The following DSCAML1 variants were observed in gnomAD, a reference collection of about 807,000 sequenced individuals.
DSCAML1 encodes cell adhesion molecule DSCAML1.
A neutral mutation model predicts 200.5 loss-of-function variants in DSCAML1; 38 were observed. The observed-to-expected ratio is 0.19, with a 90% confidence interval of 0.15 to 0.25. The LOEUF (loss-of-function observed/expected upper bound fraction) is 0.25. DSCAML1 is among the 10% of genes least tolerant of loss of function. DSCAML1 has a pLI of 1.00. For missense variants in DSCAML1, 2,223 were observed against 2,858.8 expected, an observed-to-expected ratio of 0.78 and a Z score of 5.07; for synonymous variants, 1,215 against 1,165.0, an observed-to-expected ratio of 1.04 and a Z score of -0.87.
At chr11:117,588,788 G>T (rs1302292865) in intron 3 of DSCAML1, among the ~76,000 whole-genome samples, 1 of 152,180 alleles carries the variant, frequency 6.6e-6, no homozygotes, top group Non-Finnish European at 1.5e-5. Context: ...GCTGAGGCAT[G>T]GCCAGGGGCG....
Position 117,465,192 on chromosome 11 carries a change from T to TG in DSCAML1, c.3025-11dup, listed in dbSNP as rs549558196. ...GCTCCTTCTTGGGTGCCTGTGAGCA[T>TG]GGGGTGGGGGTGGGCACAAAGAAAT... On this transcript the variant is annotated splice_polypyrimidine_tract_variant and intron_variant, in intron 16 of 32. Coordinates refer to ENST00000651296, the MANE Select transcript of DSCAML1 (RefSeq NM_020693.4). The TG allele has an allele frequency of 1.8e-3, 2,884 of 1,589,678 alleles. 6 individuals are homozygous for TG. Among genetic ancestry groups the TG allele is most frequent in the Non-Finnish European group, 2.0e-3 (2,371 of 1,160,316 alleles).
chr11:117,457,133 G>T, intron 19 of DSCAML1, among the ~76,000 whole-genome samples: 1 of 151,710 alleles, frequency 6.6e-6, no homozygotes, highest in East Asian at 1.9e-4. Flanking sequence ...ACTTCCCCAT[G>T]AATGCCAGGC....
chr11:117,550,785 G>A (rs561584832), intron 3 of DSCAML1, among the ~76,000 whole-genome samples: 7 of 152,094 alleles, frequency 4.6e-5, no homozygotes, highest in Non-Finnish European at 7.3e-5. Flanking sequence ...CTGCACAATC[G>A]ATCACAAAAC....
chr11:117,660,369 T>C (rs2052822138), intron 3 of DSCAML1, among the ~76,000 whole-genome samples: 1 of 152,236 alleles, frequency 6.6e-6, no homozygotes, highest in Admixed American at 6.5e-5. Flanking sequence ...ATAGTCCATA[T>C]GTCTTTGGGC....
chr11:117,696,245 G>T (rs1199735638), intron 3 of DSCAML1, among the ~76,000 whole-genome samples: 2 of 152,214 alleles, frequency 1.3e-5, no homozygotes, highest in East Asian at 3.8e-4. Context: ...AGAGACAGAG[G>T]GGGAAGTTGA....
intron 21 of DSCAML1, among the ~76,000 whole-genome samples, chr11:117,440,893 G>T (rs2048030876): frequency 7.5e-6 from 1 of 133,912 alleles, no homozygotes; most frequent in African/African-American, 2.9e-5. Flanking sequence ...TGCACTCCAC[G>T]CTGGGTGACA....
In DSCAML1 at chr11:117,642,426, GGCACAGTCTGGAA is replaced by G. The variant is rs1337461296; in HGVS notation, c.512-109917_512-109905del. Among the ~76,000 whole-genome samples the G allele has an allele frequency of 1.3e-5, 2 of 152,162 alleles. No individual in the cohort carries two copies. The highest frequency in any genetic ancestry group is 2.9e-5 in the Non-Finnish European group (2 of 68,034). Reference sequence around the variant, plus strand: ...TGACACCCACAGGTCACAGTCTGGAGGCACAGTCTGGAAGACAAATAAGGGGAACTGTCAGGCC... The same window carrying G: ...TGACACCCACAGGTCACAGTCTGGAGGACAAATAAGGGGAACTGTCAGGCC... On this transcript the variant is annotated intron_variant, in intron 3 of 32. Coordinates refer to ENST00000651296, the MANE Select transcript of DSCAML1 (RefSeq NM_020693.4). The surrounding 1 kb of genome is among the most constrained non-coding windows in gnomAD (Gnocchi z 4.1).
At chr11:117,514,652 AGCTCACT>A (rs994073801) in intron 8 of DSCAML1, among the ~76,000 whole-genome samples, 5 of 138,720 alleles carry the variant, frequency 3.6e-5, no homozygotes, top group African/African-American at 1.4e-4. Flanking sequence ...GCACGATCTA[AGCTCACT>A]GCAACCTCCA....
Position 117,780,304 on chromosome 11 carries a change from G to GAAAGAAAGAAAGAAAGAAAGAA in DSCAML1, c.364+188_364+189insTTCTTTCTTTCTTTCTTTCTTT, listed in dbSNP as rs71037499. On this transcript the variant is annotated intron_variant, in intron 2 of 32. Coordinates refer to ENST00000651296, the MANE Select transcript of DSCAML1 (RefSeq NM_020693.4). This position sits in a 1 kb window ranked among gnomAD's most constrained non-coding sequence, Gnocchi z 4.8. ...AGAAAGAAAGAAAGAAAGAAAGAAA[G>GAAAGAAAGAAAGAAAGAAAGAA]AGAGAAAGGAGAAAGAAAGGTGTCT... Among the ~76,000 whole-genome samples, 20 of 98,436 alleles carry GAAAGAAAGAAAGAAAGAAAGAA rather than the reference G, an allele frequency of 2.0e-4. No homozygotes were observed. Among genetic ancestry groups the GAAAGAAAGAAAGAAAGAAAGAA allele is most frequent in the East Asian group, 8.5e-4 (3 of 3,530 alleles). 64.6% of individuals were successfully genotyped at this position (98,436 alleles called of 152,430 possible). A position where few individuals can be genotyped will look rare whatever the true frequency, so the allele number is the denominator to read the frequency against.
At position 117,471,966 on chromosome 11, in the gene DSCAML1, C is replaced by T. The variant is rs761182686; in HGVS notation, c.2856G>A (p.Leu952=). The T allele has an allele frequency of 6.2e-7, 1 of 1,614,174 alleles. No individual in the cohort carries two copies. The highest frequency in any genetic ancestry group is 8.5e-7 in the Non-Finnish European group (1 of 1,180,028). ...GGATGCTGTACACAGATGCCGGGTGCAAGTCCACAATGTTGGCCTGGTTGA... is the reference window on the plus strand; with the variant it reads ...GGATGCTGTACACAGATGCCGGGTGTAAGTCCACAATGTTGGCCTGGTTGA... ...PTINQANIVD[L]HPASVYSIRM... is the part of the protein sequence containing the mutation. The change falls in exon 15 of 33, where the codon TTG becomes TTA. Residue 952 remains leucine (L), a synonymous_variant. Transcript: ENST00000651296.
At chr11:117,500,397 C>T (rs1416724212) in intron 11 of DSCAML1, among the ~76,000 whole-genome samples, 1 of 152,246 alleles carries the variant, frequency 6.6e-6, no homozygotes, top group African/African-American at 2.4e-5. Context: ...TGACTCATCA[C>T]CAGGTTTCTA....
rs1207560979 is a variant in DSCAML1, at chr11:117,769,518, ATT to A, written c.511+7271_511+7272del. Among the ~76,000 whole-genome samples the A allele has an allele frequency of 2.1e-3, 174 of 81,716 alleles. 11 individuals carry two copies. Among genetic ancestry groups the A allele is most frequent in the African/African-American group, 0.011 (165 of 14,996 alleles). 53.6% of individuals were successfully genotyped at this position (81,716 alleles called of 152,430 possible). On this transcript the variant is annotated intron_variant, in intron 3 of 32. Transcript: ENST00000651296. ...TATATATAATATATATTTTATATAT[ATT>A]ATATATATTTTATATATATTATATA...
At chr11:117,752,076 T>C (rs1017722220) in intron 3 of DSCAML1, among the ~76,000 whole-genome samples, 1 of 152,120 alleles carries the variant, frequency 6.6e-6, no homozygotes, top group African/African-American at 2.4e-5. Context: ...TGTTTCAGAG[T>C]ATACTGCAGA....
At chr11:117,538,556 A>T (rs1591237703) in intron 3 of DSCAML1, among the ~76,000 whole-genome samples, 1 of 152,238 alleles carries the variant, frequency 6.6e-6, no homozygotes, top group East Asian at 1.9e-4. Context: ...GGCAATTCTG[A>T]GGCCCTGCAC....
intron 11 of DSCAML1, among the ~76,000 whole-genome samples, chr11:117,488,756 T>C (rs2049131086): frequency 6.6e-6 from 1 of 152,242 alleles, no homozygotes; most frequent in Admixed American, 6.5e-5. Context: ...CTGTAGTCCA[T>C]AAGCACAGGC....
At chr11:117,554,483 G>C (rs937338078) in intron 3 of DSCAML1, among the ~76,000 whole-genome samples, 9 of 152,020 alleles carry the variant, frequency 5.9e-5, no homozygotes, top group African/African-American at 1.9e-4. Flanking sequence ...TGGGTTCAAG[G>C]GATTCTCCTG....
chr11:117,796,800 C>T (rs1489702273), intron 1 of DSCAML1, among the ~76,000 whole-genome samples: 1 of 152,200 alleles, frequency 6.6e-6, no homozygotes, highest in Admixed American at 6.5e-5. Context: ...TGCCACCACC[C>T]CTACGGGCGC....
At chr11:117,487,035 C>T (rs1463519968) in intron 11 of DSCAML1, among the ~76,000 whole-genome samples, 1 of 145,628 alleles carries the variant, frequency 6.9e-6, no homozygotes, top group Non-Finnish European at 1.5e-5. Flanking sequence ...AGTGATTCTC[C>T]TGCCTCAGTC....
At chr11:117,792,928 T>C (rs2055499366) in intron 1 of DSCAML1, among the ~76,000 whole-genome samples, 1 of 152,184 alleles carries the variant, frequency 6.6e-6, no homozygotes, top group Admixed American at 6.5e-5. Flanking sequence ...TGGGGCTGCC[T>C]TGCCAGATGG....
Sources: allele counts gnomAD v4.1 joint callset (sites outside exome capture counted in the v4.1 genomes callset), GRCh38; gene constraint gnomAD v4.1.1; non-coding constraint Gnocchi (gnomAD v3.1); transcripts MANE v1.5; gene names NCBI Gene and HGNC (gene_info 2026-07-23, HGNC 2026-07-21).